PRKG1: variants seen among roughly 807,000 people sequenced by gnomAD.
The protein encoded by PRKG1 is protein kinase cGMP-dependent 1.
A neutral mutation model predicts 88.1 loss-of-function variants in PRKG1; 35 were observed. The observed-to-expected ratio is 0.40, with a 90% CI of 0.30 to 0.53. PRKG1 has a LOEUF of 0.53. Among genes scored for constraint, PRKG1 ranks in the 20% least tolerant of loss-of-function variants. PRKG1 has a pLI of 0.59. For synonymous variants in PRKG1, 303 were observed against 292.5 expected, an observed-to-expected ratio of 1.04 and a Z score of -0.37; for missense variants, 540 against 839.8, an observed-to-expected ratio of 0.64 and a Z score of 4.41.
At chr10:52,260,938 A>T (rs1841418908) in intron 10 of PRKG1, among the ~76,000 whole-genome samples, 1 of 152,034 alleles carries the variant, frequency 6.6e-6, no homozygotes, top group Non-Finnish European at 1.5e-5. Context: ...TTTGATTTGC[A>T]AGTAACTTCT....
intron 5 of PRKG1, among the ~76,000 whole-genome samples, chr10:51,980,949 T>C (rs774976819): frequency 1.3e-5 from 2 of 152,210 alleles, no homozygotes; most frequent in Non-Finnish European, 2.9e-5. Context: ...TGCCATGTTA[T>C]ACCTTTTAAT....
intron 3 of PRKG1, among the ~76,000 whole-genome samples, chr10:51,714,979 A>C (rs555525130): frequency 6.6e-6 from 1 of 152,308 alleles, no homozygotes; most frequent in East Asian, 1.9e-4. Context: ...GGGACAGGAC[A>C]GTGTTACCGT....
chr10:51,464,890 C>CA (rs11316369), intron 2 of PRKG1, among the ~76,000 whole-genome samples: 1,327 of 88,012 alleles, frequency 0.015, 32 homozygotes, highest in African/African-American at 0.044. Context: ...GACTCCGTCT[C>CA]AAAAAAAAAA....
chr10:51,419,583 C>A (rs1381745274), intron 2 of PRKG1, among the ~76,000 whole-genome samples: 1 of 152,140 alleles, frequency 6.6e-6, no homozygotes, highest in Non-Finnish European at 1.5e-5. Flanking sequence ...GAACTTGGGA[C>A]TGTCAGATGA....
intron 2 of PRKG1, among the ~76,000 whole-genome samples, chr10:51,327,894 T>A (rs970294156): frequency 6.6e-6 from 1 of 152,186 alleles, no homozygotes; most frequent in African/African-American, 2.4e-5. Context: ...CAAAAAATGA[T>A]AGTTTGAAGT....
chr10:51,553,647 C>A (rs190184340), intron 3 of PRKG1, among the ~76,000 whole-genome samples: 1 of 151,110 alleles, frequency 6.6e-6, no homozygotes, highest in East Asian at 1.9e-4. Flanking sequence ...CTTTATTTTG[C>A]CTCACTGTGG....
chr10:51,577,897 T>A (rs1224718141), intron 3 of PRKG1, among the ~76,000 whole-genome samples: 6 of 152,148 alleles, frequency 3.9e-5, no homozygotes, highest in African/African-American at 1.4e-4. Context: ...ATATATTCAA[T>A]TGACAGGCAG....
chr10:51,028,194 C>A (rs1048691030), intron 1 of PRKG1, among the ~76,000 whole-genome samples: 1 of 152,126 alleles, frequency 6.6e-6, no homozygotes, highest in Non-Finnish European at 1.5e-5. Context: ...GTTTAAAAAT[C>A]AGATATGCTA....
chr10:51,998,947 G>A (rs932486657), intron 5 of PRKG1, among the ~76,000 whole-genome samples: 3 of 152,158 alleles, frequency 2.0e-5, no homozygotes, highest in Non-Finnish European at 4.4e-5. Context: ...GCCTAAGGGT[G>A]TATGTGCTGC....
intron 2 of PRKG1, among the ~76,000 whole-genome samples, chr10:51,280,371 T>G (rs1209941472): frequency 6.6e-6 from 1 of 152,134 alleles, no homozygotes; most frequent in East Asian, 1.9e-4. Flanking sequence ...TCTTGAGGAG[T>G]ATCTTTGTGG....
intron 5 of PRKG1, among the ~76,000 whole-genome samples, chr10:51,976,356 GT>G (rs1843832415): frequency 6.6e-6 from 1 of 151,934 alleles, no homozygotes; most frequent in Admixed American, 6.6e-5. Flanking sequence ...CCATGCAAAT[GT>G]CTATCATGAT....
At chr10:52,191,445 G>A (rs1270150100) in intron 9 of PRKG1, among the ~76,000 whole-genome samples, 1 of 152,016 alleles carries the variant, frequency 6.6e-6, no homozygotes, top group Non-Finnish European at 1.5e-5. Context: ...TGGGATTACA[G>A]GCATGAGCCA....
intron 1 of PRKG1, among the ~76,000 whole-genome samples, chr10:51,093,788 TTATA>T (rs879690396): frequency 2.3e-3 from 311 of 133,468 alleles, no homozygotes; most frequent in African/African-American, 8.4e-3. Flanking sequence ...TATATGTATT[TTATA>T]TATATATATA....
In PRKG1 at chr10:52,010,837, G is replaced by A. The variant is rs114152108; in HGVS notation, c.763-43647G>A. 5.0e-3 allele frequency among the ~76,000 whole-genome samples: 760 copies of A among 152,274 alleles called. 4 individuals carry two copies. Among genetic ancestry groups the A allele is most frequent in the African/African-American group, 0.017 (701 of 41,540 alleles). Reference sequence around the variant, plus strand: ...GGGACAAACTTCAGAATACTCATAAGAGCACAGCAATAATGAGTACTCCAG... The same window carrying A: ...GGGACAAACTTCAGAATACTCATAAAAGCACAGCAATAATGAGTACTCCAG... On this transcript the variant is annotated intron_variant, in intron 5 of 17. Coordinates refer to ENST00000373980, the MANE Select transcript of PRKG1 (RefSeq NM_006258.4).
Position 51,415,376 on chromosome 10 carries a change from C to A in PRKG1, c.479-52347C>A, listed in dbSNP as rs963346288. ...CTTAATTCTTGTTATTTTTTTGGTG[C>A]TGCTCACTATTCTGTTGCCTTATTT... On this transcript the variant is annotated intron_variant, in intron 2 of 17. Transcript: ENST00000373980. 2.6e-5 allele frequency among the ~76,000 whole-genome samples: 4 copies of A among 152,108 alleles called. 1 individual carries two copies.
chr10:51,409,597 C>T (rs1293114994), intron 2 of PRKG1, among the ~76,000 whole-genome samples: 1 of 151,980 alleles, frequency 6.6e-6, no homozygotes, highest in Non-Finnish European at 1.5e-5. Context: ...TGGCTCATGT[C>T]TGTAATACCA....
At chr10:51,516,798 C>A (rs7074190) in intron 3 of PRKG1, among the ~76,000 whole-genome samples, 143,887 of 152,286 alleles carry the variant, frequency 0.94, 67,976 homozygotes, top group East Asian at 1. Flanking sequence ...AGTGCCCTTC[C>A]AAGCACTGGA....
intron 1 of PRKG1, among the ~76,000 whole-genome samples, chr10:51,029,117 A>G (rs983469152): frequency 3.9e-5 from 6 of 152,186 alleles, no homozygotes; most frequent in Non-Finnish European, 8.8e-5. Flanking sequence ...GTAAGGTTAC[A>G]AAAAGCACAA....
At chr10:52,171,898 GT>G (rs1838699991) in intron 9 of PRKG1, among the ~76,000 whole-genome samples, 1 of 145,204 alleles carries the variant, frequency 6.9e-6, no homozygotes, top group Admixed American at 7.0e-5. Context: ...CGCTTCCCGG[GT>G]TCACGCCATT....
Sources: gnomAD v4.1 joint callset for allele counts (sites outside exome capture counted in the v4.1 genomes callset) on GRCh38, gnomAD v4.1.1 for gene constraint, MANE v1.5 for transcripts, NCBI Gene and HGNC (gene_info 2026-07-23, HGNC 2026-07-21) for gene names.